Variants in FLCN observed in about 807,000 individuals in gnomAD.
The protein encoded by FLCN is folliculin.
In FLCN, 22 loss-of-function variants were observed where a neutral mutation model predicts 62.5. The ratio of observed to expected loss-of-function variants is 0.35; its 90% CI spans 0.25 to 0.50. FLCN has a LOEUF of 0.50. Among genes scored for constraint, FLCN ranks in the 20% least tolerant of loss-of-function variants. The pLI is 0.97. For synonymous variants in FLCN, 319 were observed against 310.0 expected (o/e 1.03, Z -0.30); for missense variants, 657 against 778.0 (o/e 0.84, Z 1.85).
Position 17,213,196 on chromosome 17 carries a change from C to G in FLCN, c.*459G>C, listed in dbSNP as rs2046803332. ...GAGCTGGCAATGTACTGAATATTCA[C>G]AACTGCAGCAAAAGGTACCCTCAAA... On this transcript the variant is annotated 3_prime_UTR_variant, in exon 14 of 14. Coordinates refer to ENST00000285071, the MANE Select transcript of FLCN (RefSeq NM_144997.7). 2.7e-6 allele frequency: 1 copy of G among 376,550 alleles called. No individual in the cohort carries two copies. Among genetic ancestry groups the G allele is most frequent in the East Asian group, 4.3e-5 (1 of 23,056 alleles). The allele number at this position is 376,550 out of a possible 1,614,324, so 23.3% of individuals were successfully genotyped here.
At chr17:17,222,793 C>T in intron 6 of FLCN, 132 bp from the exon 7 acceptor site, 1 of 1,047,528 alleles carries the variant, frequency 9.5e-7, no homozygotes, top group South Asian at 1.3e-5. Context: ...CCATGCAGAG[C>T]ACACAAAGTG....
intron 5 of FLCN, 186 bp from the exon 6 acceptor site, chr17:17,224,329 A>T (rs1597608139): frequency 3.2e-6 from 2 of 630,346 alleles, no homozygotes; most frequent in South Asian, 3.7e-5. Flanking sequence ...CAAGCTTCCA[A>T]CAACACTTGT....
intron 5 of FLCN, chr17:17,224,462 A>G: frequency 2.2e-6 from 1 of 459,998 alleles, no homozygotes; most frequent in East Asian, 3.9e-5. Flanking sequence ...ACTCACCTGG[A>G]GCATGCAGAA....
chr17:17,227,540 C>A (rs944080844), intron 4 of FLCN, among the ~76,000 whole-genome samples: 1 of 152,078 alleles, frequency 6.6e-6, no homozygotes, highest in African/African-American at 2.4e-5. Flanking sequence ...ATGGTGAAAC[C>A]CCATCTCTAC....
intron 9 of FLCN, chr17:17,217,495 T>G: frequency 2.4e-6 from 1 of 420,522 alleles, no homozygotes; most frequent in South Asian, 2.1e-5. Flanking sequence ...TACAGACACT[T>G]TCTGCTGAAC....
chr17:17,236,871 T>G (rs2047595295), intron 1 of FLCN, 41 bp downstream of exon 1: 1 of 147,562 alleles, frequency 6.8e-6, no homozygotes, highest in Admixed American at 6.7e-5. Context: ...CAACGAAAAC[T>G]CGGACATGCC....
At chr17:17,224,181 G>C (rs761476392) in intron 5 of FLCN, 38 bp from the exon 6 acceptor site, 6 of 1,523,124 alleles carry the variant, frequency 3.9e-6, no homozygotes, top group African/African-American at 1.4e-5. Context: ...CCCTTTCCTC[G>C]CTTAGTGACA....
intron 8 of FLCN, chr17:17,221,201 A>G: frequency 6.6e-7 from 1 of 1,512,042 alleles, no homozygotes; most frequent in Non-Finnish European, 8.8e-7. Context: ...GTAAAGGAGC[A>G]AAGACCGTCG....
chr17:17,230,158 C>T (rs2047377869), intron 3 of FLCN, among the ~76,000 whole-genome samples: 1 of 152,164 alleles, frequency 6.6e-6, no homozygotes, highest in Non-Finnish European at 1.5e-5. Flanking sequence ...ACACATGCAG[C>T]CAGACCCACA....
chr17:17,230,564 T>C (rs559611720), intron 3 of FLCN, among the ~76,000 whole-genome samples: 1 of 149,746 alleles, frequency 6.7e-6, no homozygotes, highest in African/African-American at 2.5e-5. Flanking sequence ...CAAAACAAAA[T>C]AAAACAAAAA....
At position 17,216,256 on chromosome 17, in the gene FLCN, G is replaced by T. The variant is rs952871173; in HGVS notation, c.1300+124C>A. The T allele has an allele frequency of 2.9e-6, 4 of 1,399,446 alleles. No individual in the cohort carries two copies. The African/African-American group carries it at 5.7e-5, about 20-fold the overall frequency. The allele number at this position is 1,399,446 out of a possible 1,614,324, so 86.7% of individuals were successfully genotyped here. On this transcript the variant is annotated intron_variant, in intron 11 of 13. Transcript: ENST00000285071. This position sits in a 1 kb window ranked among gnomAD's most constrained non-coding sequence, Gnocchi z 4.0. Reference sequence around the variant, plus strand: ...AACACGGAGGCCCAGAGCCATGGGGGAAGCTGGCCCTGCAATGAGGCCTCC... The same window carrying T: ...AACACGGAGGCCCAGAGCCATGGGGTAAGCTGGCCCTGCAATGAGGCCTCC...
intron 4 of FLCN, among the ~76,000 whole-genome samples, chr17:17,227,101 T>C (rs1213699702): frequency 6.6e-6 from 1 of 152,188 alleles, no homozygotes; most frequent in Admixed American, 6.5e-5. Flanking sequence ...ATGCAGCTCT[T>C]ACACGTCCTC....
At chr17:17,228,438 C>T (rs1364978290) in intron 3 of FLCN, 2 of 436,122 alleles carry the variant, frequency 4.6e-6, no homozygotes, top group East Asian at 4.1e-5. Flanking sequence ...AGCCACAAAG[C>T]CAACGGCGCT....
chr17:17,229,445 C>A (rs368564214), intron 3 of FLCN: 1 of 152,276 alleles, frequency 6.6e-6, no homozygotes, highest in Non-Finnish European at 1.5e-5. Flanking sequence ...ACACTGGTCA[C>A]AAACGGATAA....
chr17:17,218,930 G>C, intron 9 of FLCN, 89 bp downstream of exon 9: 1 of 1,458,392 alleles, frequency 6.9e-7, no homozygotes, highest in East Asian at 2.4e-5. Context: ...TTTGAAGGTG[G>C]AGGGTCCAGA....
chr17:17,219,156 TCTC>T lies in FLCN; in HGVS notation c.922_924del (p.Glu308del), dbSNP rs1597592053. 2 of 1,614,200 alleles carry T rather than the reference TCTC, an allele frequency of 1.2e-6. No homozygotes were observed. The highest frequency in any genetic ancestry group is 2.2e-5 in the South Asian group (2 of 91,088). On this transcript the variant is annotated inframe_deletion, in exon 9 of 14. Coordinates refer to ENST00000285071, the MANE Select transcript of FLCN (RefSeq NM_144997.7). ...GTACTCTCTGGCAACACAGGGGCTT[TCTC>T]CTCCTCTTCAGCCTCAGAGTTGTCC...
At chr17:17,233,007 C>T (rs965395318) in intron 1 of FLCN, 106 bp from the exon 2 acceptor site, 1 of 152,194 alleles carries the variant, frequency 6.6e-6, no homozygotes, top group Non-Finnish European at 1.5e-5. Context: ...AAGAACGTGT[C>T]TGATGAGGAT....
At chr17:17,214,555 T>C (rs1239741272) in intron 13 of FLCN, among the ~76,000 whole-genome samples, 1 of 151,820 alleles carries the variant, frequency 6.6e-6, no homozygotes, top group East Asian at 1.9e-4. Context: ...GATCATGCCA[T>C]TGCACTCCAG....
rs1597613502 is a variant in FLCN at position 17,226,376 on chromosome 17, T to C, written c.250-54A>G. On this transcript the variant is annotated intron_variant, in intron 4 of 13. Coordinates refer to ENST00000285071, the MANE Select transcript of FLCN (RefSeq NM_144997.7). ...TTAGTTGGGAAGCAGGGCGACAAAC[T>C]CTCTTAGGTTTATGCAAATCTGAGC... The C allele has an allele frequency of 1.9e-6, 3 of 1,608,892 alleles. No individual in the cohort carries two copies. In the East Asian group the frequency reaches 6.7e-5, roughly 36 times the overall value.
Sources: gnomAD v4.1 joint callset for allele counts (sites outside exome capture counted in the v4.1 genomes callset) on GRCh38, gnomAD v4.1.1 for gene constraint, Gnocchi (gnomAD v3.1) non-coding constraint, MANE v1.5 for transcripts, NCBI Gene and HGNC (gene_info 2026-07-23, HGNC 2026-07-21) for gene names.